Variants in AGBL5 observed in about 807,000 individuals in gnomAD.
AGBL5 encodes cytosolic carboxypeptidase-like protein 5.
AGBL5 carries 51 observed loss-of-function variants against 88.0 expected under a neutral mutation model. That is an observed-to-expected ratio of 0.58 (90% CI 0.46 to 0.73). The LOEUF is 0.73. Among genes scored for constraint, AGBL5 ranks in the 30% least tolerant of loss-of-function variants. The pLI, the probability that AGBL5 is intolerant of heterozygous loss-of-function variation, is 0.00. For synonymous variants in AGBL5, 446 were observed against 438.8 expected (o/e 1.02, Z -0.21); for missense variants, 1,031 against 1,162.2 (o/e 0.89, Z 1.64).
At chr2:27,056,593 CTTCT>C in intron 7 of AGBL5, 26 bp from the exon 8 acceptor site, 1 of 1,574,414 alleles carries the variant, frequency 6.4e-7, no homozygotes, top group Non-Finnish European at 8.7e-7. Context: ...TCTGTCTCTC[CTTCT>C]GAGTTGACTT....
chr2:27,068,940 C>A, intron 13 of AGBL5, 196 bp downstream of exon 13: 1 of 1,496,576 alleles, frequency 6.7e-7, no homozygotes, highest in Non-Finnish European at 8.9e-7. Flanking sequence ...TCAGCCAGGT[C>A]ATTTGCTTGC....
At chr2:27,068,353 G>C in intron 12 of AGBL5, among the ~76,000 whole-genome samples, 1 of 152,210 alleles carries the variant, frequency 6.6e-6, no homozygotes, top group East Asian at 1.9e-4. Context: ...CCAGACTAGA[G>C]CCTCAACCAG....
upstream of AGBL5, chr2:27,051,037 T>C (rs1384260384): frequency 6.6e-6 from 1 of 152,284 alleles, no homozygotes; most frequent in East Asian, 1.9e-4. Context: ...TGTGGTAACG[T>C]GTTTTAGAAT....
rs773376983 is a variant in AGBL5 at position 27,058,612 on chromosome 2, G to T, written c.1874+10G>T. On this transcript the variant is annotated intron_variant, in intron 10 of 14. Coordinates refer to ENST00000360131, the MANE Select transcript of AGBL5 (RefSeq NM_021831.6). The stretch of plus-strand genomic sequence containing the variant: ...CACCCAAAAGTCACAAGTAAGGCCA[G>T]CAAAATAGGAGGGAGAAAGGGTAGG... 6.2e-7 allele frequency: 1 copy of T among 1,613,550 alleles called. No homozygotes were observed. The highest frequency in any genetic ancestry group is 1.1e-5 in the South Asian group (1 of 91,038).
Position 27,054,707 on chromosome 2 carries a change from T to C in AGBL5, c.629T>C (p.Ile210Thr), listed in dbSNP as rs2148272748. 1 of 1,583,088 alleles carries C rather than the reference T, an allele frequency of 6.3e-7. No homozygotes were observed. The highest frequency in any genetic ancestry group is 8.6e-7 in the Non-Finnish European group (1 of 1,165,158). The change falls in exon 5 of 15, where the codon ATC (isoleucine) becomes ACC (threonine). Residue 210 changes from isoleucine (I) to threonine (T), a missense_variant. By Grantham distance (89) the Ile-to-Thr change is moderately conservative. This residue lies in a region of AGBL5 where 540 missense variants were observed against 678.2 expected (regional missense o/e 0.80). Coordinates refer to ENST00000360131, the MANE Select transcript of AGBL5 (RefSeq NM_021831.6). ...GGACTTCGTGTAGATCTGCTGACGA[T>C]CACTTCCTGCCATGGGCTTCGAGAA... Reference protein sequence around the residue: ...LDGLRVDLLTITSCHGLREDR... With the variant: ...LDGLRVDLLTTTSCHGLREDR...
chr2:27,069,327 A>G, intron 13 of AGBL5: 1 of 985,396 alleles, frequency 1.0e-6, no homozygotes, highest in Non-Finnish European at 1.2e-6. Context: ...TGGTGTAGCC[A>G]TGGCGGTTAA....
At position 27,067,584 on chromosome 2, in the gene AGBL5, C is replaced by A; in HGVS notation, c.2180C>A (p.Ser727Tyr). The change falls in exon 12 of 15, where the codon TCT (serine) becomes TAT (tyrosine). Residue 727 changes from serine (S) to tyrosine (Y), a missense_variant. By Grantham distance (144) the Ser-to-Tyr change is moderately radical (BLOSUM62 -2). Around this residue, in one of 2 missense-constraint regions of AGBL5, gnomAD observed 491 missense variants for 484.0 expected, o/e 1.01. Coordinates refer to ENST00000360131, the MANE Select transcript of AGBL5 (RefSeq NM_021831.6). ...SLAPSPAPTS[S>Y]GPASSHKLGS... is the part of the protein sequence containing the mutation. Reference sequence around the variant, plus strand: ...GCTCCATCCCCAGCTCCTACTAGTTCTGGCCCAGCCTCCTCACACAAGCTG... The same window carrying A: ...GCTCCATCCCCAGCTCCTACTAGTTATGGCCCAGCCTCCTCACACAAGCTG... The A allele has an allele frequency of 6.2e-7, 1 of 1,614,108 alleles. No homozygotes were observed. The highest frequency in any genetic ancestry group is 8.5e-7 in the Non-Finnish European group (1 of 1,180,012).
chr2:27,050,750 A>G (rs539716806), upstream of AGBL5, among the ~76,000 whole-genome samples: 11 of 152,310 alleles, frequency 7.2e-5, no homozygotes, highest in African/African-American at 2.6e-4. Flanking sequence ...TAAGCATTAG[A>G]GGGCTATCAG....
chr2:27,062,815 T>A (rs1405743090), intron 11 of AGBL5: 1 of 152,150 alleles, frequency 6.6e-6, no homozygotes, highest in Non-Finnish European at 1.5e-5. Context: ...ACAGAGCTGG[T>A]GGGTGGAGAG....
At chr2:27,055,017 C>G in intron 5 of AGBL5, 58 bp from the exon 6 acceptor site, 1 of 1,567,596 alleles carries the variant, frequency 6.4e-7, no homozygotes, top group South Asian at 1.1e-5. Context: ...CCCCCATATA[C>G]TGTCAAAGTA....
intron 11 of AGBL5, among the ~76,000 whole-genome samples, chr2:27,064,579 G>A (rs555184524): frequency 2.6e-5 from 4 of 152,070 alleles, no homozygotes; most frequent in Admixed American, 2.0e-4. Flanking sequence ...ATGAGCCACC[G>A]TGCCTGGCGT....
rs955841490 is a variant in AGBL5 at position 27,061,432 on chromosome 2, T to C, written c.2089+2028T>C. Among the ~76,000 whole-genome samples the C allele has an allele frequency of 2.6e-5, 4 of 152,298 alleles. 1 individual carries two copies. The South Asian group carries it at 8.3e-4, about 32-fold the overall frequency. ...TTGTACTTTTAGTAGAGACGGGGTT[T>C]CACCACGTTGGTCAGGCTGGTCTTG... is the stretch of plus-strand genomic sequence containing the variant. On this transcript the variant is annotated intron_variant, in intron 11 of 14. Transcript: ENST00000360131.
Position 27,053,452 on chromosome 2 carries a change from A to G in AGBL5, c.266A>G (p.Lys89Arg), listed in dbSNP as rs202135413. 33 of 1,614,022 alleles carry G rather than the reference A, an allele frequency of 2.0e-5. No individual in the cohort carries two copies. Among genetic ancestry groups the G allele is most frequent in the Non-Finnish European group, 2.7e-5 (32 of 1,180,054 alleles). Residue 89 changes from lysine (K) to arginine (R), a missense_variant, in exon 3 of 15, where the codon AAG becomes AGG. Lys to Arg is a conservative substitution (Grantham distance 26). Around this residue, in one of 2 missense-constraint regions of AGBL5, gnomAD observed 540 missense variants for 678.2 expected, o/e 0.80. Coordinates refer to ENST00000360131, the MANE Select transcript of AGBL5 (RefSeq NM_021831.6). The surrounding 1 kb of genome is among the most constrained non-coding windows in gnomAD (Gnocchi z 4.9). ...GGAGGAATGCCAGGAAAACTCATCA[A>G]GATCAACATTATGAACATGAACAAG... ...VRGGMPGKLI[K>R]INIMNMNKQS...
intron 13 of AGBL5, 88 bp from the exon 14 acceptor site, chr2:27,069,485 C>A: frequency 3.8e-6 from 6 of 1,561,200 alleles, no homozygotes; most frequent in Non-Finnish European, 5.2e-6. Flanking sequence ...TACTACAACA[C>A]TCTTATGCAT....
chr2:27,053,916 G>A lies in AGBL5; in HGVS notation c.408G>A (p.Val136=). The change falls in exon 4 of 15, where the codon GTG becomes GTA. Residue 136 remains valine (V), a synonymous_variant. Coordinates refer to ENST00000360131, the MANE Select transcript of AGBL5 (RefSeq NM_021831.6). The surrounding 1 kb of genome is among the most constrained non-coding windows in gnomAD (Gnocchi z 4.9). ...TTCAGATGACAGAGACGCAGTTTGT[G>A]TTATCCTTTGTTCATCGTTTCGTGG... ...PTFEMTETQF[V]LSFVHRFVEG... 6.2e-7 allele frequency: 1 copy of A among 1,614,030 alleles called. No homozygotes were observed. Among genetic ancestry groups the A allele is most frequent in the African/African-American group, 1.3e-5 (1 of 75,060 alleles).
In AGBL5 at chr2:27,062,119, C is replaced by CTTT. The variant is rs11295283; in HGVS notation, c.2089+2734_2089+2736dup. Reference sequence around the variant, plus strand: ...CATGAACCACTGTGCCCATCTAGGCCTTTTTTTTTTTTTTTTTTTTTGAGA... The same window carrying CTTT: ...CATGAACCACTGTGCCCATCTAGGCCTTTTTTTTTTTTTTTTTTTTTTTTGAGA... On this transcript the variant is annotated intron_variant, in intron 11 of 14. Transcript: ENST00000360131. Among the ~76,000 whole-genome samples, 19 of 88,844 alleles carry CTTT rather than the reference C, an allele frequency of 2.1e-4. No homozygotes were observed. In the South Asian group the frequency reaches 3.5e-3, roughly 16 times the overall value. The allele number at this position is 88,844 out of a possible 152,430, so 58.3% of individuals were successfully genotyped here.
At position 27,070,234 on chromosome 2, in the gene AGBL5, C is replaced by T. The variant is rs767537031; in HGVS notation, c.2632C>T (p.Pro878Ser). 3.7e-6 allele frequency: 6 copies of T among 1,614,104 alleles called. No homozygotes were observed. The highest frequency in any genetic ancestry group is 1.3e-5 in the African/African-American group (1 of 74,932). ...QPEVCFVPKS[P>S]PLTVSPRV ...TGAGGTTTGTTTTGTCCCTAAATCT[C>T]CCCCACTGACTGTTTCTCCCCGGGT... The change falls in exon 15 of 15, where the codon CCC becomes TCC. Residue 878 changes from proline to serine, a missense_variant. Transcript: ENST00000360131.
intron 13 of AGBL5, chr2:27,069,076 G>A (rs1226468363): frequency 2.2e-6 from 3 of 1,354,712 alleles, no homozygotes; most frequent in Non-Finnish European, 2.9e-6. Context: ...TCCGCCAGGA[G>A]GGGTCCCGGA....
chr2:27,069,591 C>G lies in AGBL5; in HGVS notation c.2374C>G (p.Arg792Gly). 1.9e-6 allele frequency: 3 copies of G among 1,614,102 alleles called. No homozygotes were observed. Among genetic ancestry groups the G allele is most frequent in the South Asian group, 2.2e-5 (2 of 91,084 alleles). ...CACACAGGCTAGGCCCAGGTTGGGCCGGGGCTCACCGCCGACTCGCAGAGG... is the reference window on the plus strand; with the variant it reads ...CACACAGGCTAGGCCCAGGTTGGGCGGGGGCTCACCGCCGACTCGCAGAGG... ...TRLQARPRLGRGSPPTRRGMK... is the reference protein window; with the variant it reads ...TRLQARPRLGGGSPPTRRGMK... Residue 792 changes from arginine to glycine, a missense_variant, in exon 14 of 15, where the codon CGG (arginine) becomes GGG (glycine). By Grantham distance (125) the Arg-to-Gly change is moderately radical. Around this residue, in one of 2 missense-constraint regions of AGBL5, gnomAD observed 491 missense variants for 484.0 expected, o/e 1.01. Transcript: ENST00000360131.
Sources: allele counts gnomAD v4.1 joint callset (sites outside exome capture counted in the v4.1 genomes callset), GRCh38; gene constraint gnomAD v4.1.1; regional missense constraint gnomAD v4.1.1; non-coding constraint Gnocchi (gnomAD v3.1); transcripts MANE v1.5; gene names NCBI Gene and HGNC (gene_info 2026-07-23, HGNC 2026-07-21).